Variants in GADL1 observed in about 807,000 individuals in gnomAD.
The protein encoded by GADL1 is GAD like acidic amino acid decarboxylase 1.
GADL1 carries 71 observed loss-of-function variants against 69.5 expected under a neutral mutation model. The observed-to-expected ratio is 1.02, with a 90% confidence interval of 0.84 to 1.25. GADL1 has a LOEUF of 1.25. Among genes scored for constraint, GADL1 ranks in the 50% most tolerant of loss-of-function variants. The pLI, the probability that GADL1 is intolerant of heterozygous loss-of-function variation, is 0.00. For synonymous variants in GADL1, 254 were observed against 214.4 expected (o/e 1.18, Z -1.62); for missense variants, 737 against 631.8 (o/e 1.17, Z -1.79).
At chr3:30,832,140 T>C (rs1395473538) in intron 11 of GADL1, among the ~76,000 whole-genome samples, 4 of 151,864 alleles carry the variant, frequency 2.6e-5, no homozygotes, top group Non-Finnish European at 5.9e-5. Flanking sequence ...CTTAAACTGA[T>C]TGCCACATCT....
At chr3:30,751,837 T>C (rs1038384784) in intron 14 of GADL1, among the ~76,000 whole-genome samples, 2 of 152,244 alleles carry the variant, frequency 1.3e-5, no homozygotes, top group African/African-American at 2.4e-5. Flanking sequence ...TGTCTCTGAC[T>C]AAACACAGAA....
chr3:30,739,120 A>T (rs1695579493), intron 14 of GADL1, among the ~76,000 whole-genome samples: 1 of 152,194 alleles, frequency 6.6e-6, no homozygotes, highest in African/African-American at 2.4e-5. Flanking sequence ...GAACCTGCAT[A>T]TCAGGCTTGG....
chr3:30,795,798 G>A (rs1375324301), intron 12 of GADL1, among the ~76,000 whole-genome samples: 1 of 152,110 alleles, frequency 6.6e-6, no homozygotes, highest in Non-Finnish European at 1.5e-5. Flanking sequence ...TGGCATTGGA[G>A]GTAGACTTTT....
At position 30,852,209 on chromosome 3, in the gene GADL1, C is replaced by T. The variant is rs565808091; in HGVS notation, c.429-1268G>A. On this transcript the variant is annotated intron_variant, in intron 4 of 14. Coordinates refer to ENST00000282538, the MANE Select transcript of GADL1 (RefSeq NM_207359.3). ...ATGTGTCAACTCTACAGATGTTATG[C>T]CATCTTAAAAATAAGATAGATTCAG... Among the ~76,000 whole-genome samples the T allele has an allele frequency of 3.3e-5, 5 of 152,216 alleles. No homozygotes were observed. In the South Asian group the frequency reaches 1.0e-3, roughly 32 times the overall value.
intron 11 of GADL1, among the ~76,000 whole-genome samples, chr3:30,804,430 G>A (rs9871381): frequency 0.11 from 16,362 of 152,126 alleles, 1,768 homozygotes; most frequent in African/African-American, 0.27. Flanking sequence ...CTTAGTCTGC[G>A]TCCTCTAGGT....
intron 11 of GADL1, among the ~76,000 whole-genome samples, chr3:30,826,704 G>C (rs916194287): frequency 4.0e-5 from 6 of 151,138 alleles, no homozygotes; most frequent in East Asian, 1.9e-4. Flanking sequence ...AAGGGGTCAA[G>C]AGAGGACCCA....
At chr3:30,828,999 C>A (rs923577071) in intron 11 of GADL1, among the ~76,000 whole-genome samples, 2 of 151,698 alleles carry the variant, frequency 1.3e-5, no homozygotes, top group Admixed American at 1.3e-4. Context: ...TTTTTTTAAA[C>A]TAAAAAATCT....
At chr3:30,849,966 T>G in intron 6 of GADL1, 30 bp downstream of exon 6, 2 of 1,296,976 alleles carry the variant, frequency 1.5e-6, no homozygotes, top group Non-Finnish European at 1.1e-6. Context: ...TCTCAGAAAA[T>G]CTATATTCAA....
intron 12 of GADL1, among the ~76,000 whole-genome samples, chr3:30,789,622 A>G (rs992267392): frequency 6.6e-6 from 1 of 152,200 alleles, no homozygotes; most frequent in East Asian, 1.9e-4. Context: ...TGATTTGCCT[A>G]CATTGAAAAC....
intron 11 of GADL1, among the ~76,000 whole-genome samples, chr3:30,814,308 CCAGTT>C (rs1221281404): frequency 1.3e-5 from 2 of 152,108 alleles, no homozygotes; most frequent in African/African-American, 4.8e-5. Flanking sequence ...CCAGAATTTC[CCAGTT>C]CAAACTATAG....
At chr3:30,759,072 GTT>G (rs79546906) in intron 14 of GADL1, among the ~76,000 whole-genome samples, 1 of 151,484 alleles carries the variant, frequency 6.6e-6, no homozygotes, top group Non-Finnish European at 1.5e-5. Flanking sequence ...TTAAAAATCC[GTT>G]TTTTTTCCAG....
At position 30,841,290 on chromosome 3, in the gene GADL1, C is replaced by T. The variant is rs539734666; in HGVS notation, c.787-2177G>A. On this transcript the variant is annotated intron_variant, in intron 8 of 14. Coordinates refer to ENST00000282538, the MANE Select transcript of GADL1 (RefSeq NM_207359.3). ...GACGTACTAACTCTAACCCCATTGCCCTACTTTTAAATGTGCCTAAAGCAA... is the reference window on the plus strand; with the variant it reads ...GACGTACTAACTCTAACCCCATTGCTCTACTTTTAAATGTGCCTAAAGCAA... 2.2e-4 allele frequency among the ~76,000 whole-genome samples: 34 copies of T among 152,222 alleles called. No individual in the cohort carries two copies. The South Asian group carries it at 4.8e-3, about 21-fold the overall frequency.
chr3:30,808,944 T>G (rs1697306347), intron 11 of GADL1, among the ~76,000 whole-genome samples: 1 of 152,212 alleles, frequency 6.6e-6, no homozygotes, highest in Non-Finnish European at 1.5e-5. Context: ...TGTTCTTCTG[T>G]GTAACCTCTG....
rs1228355503 is a variant in GADL1 at position 30,726,719 on chromosome 3, A to C, written c.*1523T>G. On this transcript the variant is annotated 3_prime_UTR_variant, in exon 15 of 15. Coordinates refer to ENST00000282538, the MANE Select transcript of GADL1 (RefSeq NM_207359.3). ...ATGCTTTAACACTCTTCAATCATTC[A>C]CCTTTTAATGCAGACCTTTAATTAT... is the stretch of plus-strand genomic sequence containing the variant. 1 of 152,154 alleles carries C rather than the reference A, an allele frequency of 6.6e-6. No homozygotes were observed. Among genetic ancestry groups the C allele is most frequent in the Non-Finnish European group, 1.5e-5 (1 of 68,026 alleles). 9.4% of individuals were successfully genotyped at this position (152,154 alleles called of 1,614,324 possible). A position where few individuals can be genotyped will look rare whatever the true frequency, so the allele number is the denominator to read the frequency against.
At chr3:30,874,064 T>A (rs1357811712) in intron 1 of GADL1, among the ~76,000 whole-genome samples, 1 of 151,958 alleles carries the variant, frequency 6.6e-6, no homozygotes, top group Admixed American at 6.6e-5. Context: ...GAGGACACTG[T>A]TACCTGCAAG....
At chr3:30,736,744 G>A (rs1365320443) in intron 14 of GADL1, among the ~76,000 whole-genome samples, 2 of 152,046 alleles carry the variant, frequency 1.3e-5, no homozygotes, top group Non-Finnish European at 2.9e-5. Flanking sequence ...TTTTTCAAAC[G>A]TTGATAAAGT....
chr3:30,756,403 T>A (rs1695970999), intron 14 of GADL1, among the ~76,000 whole-genome samples: 1 of 152,116 alleles, frequency 6.6e-6, no homozygotes, highest in South Asian at 2.1e-4. Context: ...ATGTATAAAG[T>A]TATAAAGGCA....
chr3:30,774,394 A>G (rs1385625708), intron 14 of GADL1, among the ~76,000 whole-genome samples: 2 of 152,198 alleles, frequency 1.3e-5, no homozygotes, highest in African/African-American at 4.8e-5. Flanking sequence ...GCCATTTTTA[A>G]TAGTTTTCTA....
Position 30,728,365 on chromosome 3 carries a change from C to A in GADL1, c.1443G>T (p.Leu481=). 1 of 1,613,874 alleles carries A rather than the reference C, an allele frequency of 6.2e-7. No individual in the cohort carries two copies. The highest frequency in any genetic ancestry group is 8.5e-7 in the Non-Finnish European group (1 of 1,179,850). ...ERMMKKGSLM[L]GYQPHRGKVN... Reference sequence around the variant, plus strand: ...CCTTTCCCCGGTGCGGCTGGTAGCCCAGCATCAAGCTTCCCTTCTTCATCA... The same window carrying A: ...CCTTTCCCCGGTGCGGCTGGTAGCCAAGCATCAAGCTTCCCTTCTTCATCA... The change falls in exon 15 of 15, where the codon CTG becomes CTT. Residue 481 remains leucine (L), a synonymous_variant. Transcript: ENST00000282538.
Sources: gnomAD v4.1 joint callset for allele counts (sites outside exome capture counted in the v4.1 genomes callset) on GRCh38, gnomAD v4.1.1 for gene constraint, MANE v1.5 for transcripts, NCBI Gene and HGNC (gene_info 2026-07-23, HGNC 2026-07-21) for gene names.